Variants in GALNT13 observed in about 807,000 individuals in gnomAD.
GALNT13 encodes the protein UDP-GalNAc:polypeptide N-acetylgalactosaminyltransferase 13.
A neutral mutation model predicts 64.2 loss-of-function variants in GALNT13; 28 were observed. The ratio of observed to expected loss-of-function variants is 0.44; its 90% CI spans 0.32 to 0.60. The LOEUF is 0.60. GALNT13 is among the 20% of genes least tolerant of loss of function. GALNT13 has a pLI of 0.05. For missense variants in GALNT13, 577 were observed against 669.8 expected (o/e 0.86, Z 1.53); for synonymous variants, 214 against 224.6 (o/e 0.95, Z 0.42).
chr2:154,322,910 G>A lies in GALNT13; in HGVS notation c.1156+21321G>A, dbSNP rs114423747. On this transcript the variant is annotated intron_variant, in intron 9 of 12. Coordinates refer to ENST00000392825, the MANE Select transcript of GALNT13 (RefSeq NM_052917.4). Reference sequence around the variant, plus strand: ...TACATGTCTGGCATTTTGATGTGACGGCTGGAAGACTTGGCTGACCTAGAA... The same window carrying A: ...TACATGTCTGGCATTTTGATGTGACAGCTGGAAGACTTGGCTGACCTAGAA... Among the ~76,000 whole-genome samples the A allele has an allele frequency of 7.8e-3, 1,181 of 151,976 alleles. 17 individuals carry two copies. Among genetic ancestry groups the A allele is most frequent in the African/African-American group, 0.025 (1,020 of 41,464 alleles).
chr2:153,764,051 A>T, the GALNT13 span, among the ~76,000 whole-genome samples: 1 of 152,200 alleles, frequency 6.6e-6, no homozygotes, highest in Non-Finnish European at 1.5e-5. Context: ...AGTGATATGG[A>T]CAATGAAGTC....
the GALNT13 span, among the ~76,000 whole-genome samples, chr2:153,607,681 CTA>C: frequency 6.6e-6 from 1 of 151,936 alleles, no homozygotes; most frequent in Non-Finnish European, 1.5e-5. Context: ...TAAATTGAAT[CTA>C]TGTGTTTACT....
the GALNT13 span, among the ~76,000 whole-genome samples, chr2:153,170,206 C>T: frequency 6.6e-6 from 1 of 151,996 alleles, no homozygotes. Flanking sequence ...CAAAATAAAC[C>T]TAATACGTTC....
the GALNT13 span, among the ~76,000 whole-genome samples, chr2:153,603,898 AAAG>A: frequency 3.9e-5 from 6 of 152,002 alleles, no homozygotes; most frequent in Non-Finnish European, 8.8e-5. Flanking sequence ...GGAAAATTCA[AAAG>A]AAGTTCTTAT....
intron 3 of GALNT13, among the ~76,000 whole-genome samples, chr2:154,115,853 C>T (rs957768233): frequency 6.6e-6 from 1 of 152,174 alleles, no homozygotes; most frequent in Admixed American, 6.5e-5. Context: ...CCTTAATATT[C>T]ATTCCCATGC....
At chr2:154,197,403 T>C (rs926468639) in intron 4 of GALNT13, among the ~76,000 whole-genome samples, 1 of 152,120 alleles carries the variant, frequency 6.6e-6, no homozygotes, top group Non-Finnish European at 1.5e-5. Flanking sequence ...CCACGCATTG[T>C]ATTCCAGGTG....
chr2:154,081,757 C>T (rs1009479682), intron 3 of GALNT13, among the ~76,000 whole-genome samples: 4 of 151,648 alleles, frequency 2.6e-5, no homozygotes, highest in Non-Finnish European at 5.9e-5. Flanking sequence ...GTCAAATGAC[C>T]GTTGATTAAT....
intron 9 of GALNT13, among the ~76,000 whole-genome samples, chr2:154,352,607 A>C (rs549539488): frequency 6.6e-6 from 1 of 152,312 alleles, no homozygotes; most frequent in South Asian, 2.1e-4. Context: ...GTTGTATACA[A>C]TGAGCTTGAA....
At position 153,899,871 on chromosome 2, in the gene GALNT13, G is replaced by T. The variant is rs546853885; in HGVS notation, c.-176-1065G>T. Among the ~76,000 whole-genome samples, 18 of 149,474 alleles carry T rather than the reference G, an allele frequency of 1.2e-4. 1 individual carries two copies. The South Asian group carries it at 3.8e-3, about 31-fold the overall frequency. ...TATTTATATTGTTCATAGTCTGTCT[G>T]ATCTGTCTGAAAGAACACACTGTAT... On this transcript the variant is annotated intron_variant, in intron 1 of 12. Coordinates refer to ENST00000392825, the MANE Select transcript of GALNT13 (RefSeq NM_052917.4).
the GALNT13 span, among the ~76,000 whole-genome samples, chr2:153,152,980 C>T: frequency 2.0e-5 from 3 of 152,306 alleles, no homozygotes; most frequent in South Asian, 6.2e-4. Context: ...TGAGGAATCA[C>T]CACACTGCCT....
At chr2:153,237,844 A>G in the GALNT13 span, among the ~76,000 whole-genome samples, 1 of 152,106 alleles carries the variant, frequency 6.6e-6, no homozygotes, top group Non-Finnish European at 1.5e-5. Flanking sequence ...TTGGGTATAT[A>G]TACCTAGCAT....
intron 12 of GALNT13, among the ~76,000 whole-genome samples, chr2:154,443,276 G>C (rs1475975654): frequency 1.3e-5 from 2 of 152,028 alleles, no homozygotes; most frequent in Non-Finnish European, 2.9e-5. Context: ...GTTCCTATAT[G>C]TTAAATGATT....
intron 3 of GALNT13, among the ~76,000 whole-genome samples, chr2:154,058,509 G>A (rs566904478): frequency 6.6e-6 from 1 of 152,326 alleles, no homozygotes; most frequent in South Asian, 2.1e-4. Flanking sequence ...GGAATAGGAA[G>A]TGGTGTGATG....
At chr2:154,288,441 A>C (rs566732407) in intron 8 of GALNT13, among the ~76,000 whole-genome samples, 1 of 151,974 alleles carries the variant, frequency 6.6e-6, no homozygotes, top group Non-Finnish European at 1.5e-5. Context: ...CAGTCCCCCA[A>C]AGTCTTAACT....
intron 4 of GALNT13, among the ~76,000 whole-genome samples, chr2:154,183,683 G>A (rs1455155495): frequency 6.6e-6 from 1 of 151,958 alleles, no homozygotes; most frequent in Non-Finnish European, 1.5e-5. Flanking sequence ...CTGCACTCCA[G>A]CCTCGGCAAC....
chr2:153,712,991 A>C, the GALNT13 span, among the ~76,000 whole-genome samples: 64 of 152,312 alleles, frequency 4.2e-4, no homozygotes, highest in African/African-American at 1.3e-3. Flanking sequence ...CAACCAAGTA[A>C]GCAATCTGTG....
chr2:153,156,664 A>G, the GALNT13 span, among the ~76,000 whole-genome samples: 4 of 152,184 alleles, frequency 2.6e-5, no homozygotes, highest in African/African-American at 7.2e-5. Flanking sequence ...ACCTAGCATC[A>G]TTGTGCAATT....
At chr2:153,436,122 G>T in the GALNT13 span, among the ~76,000 whole-genome samples, 1 of 152,136 alleles carries the variant, frequency 6.6e-6, no homozygotes, top group Non-Finnish European at 1.5e-5. Flanking sequence ...TTATATGCTG[G>T]ATTATGTTTA....
the GALNT13 span, among the ~76,000 whole-genome samples, chr2:153,291,291 TTTTATC>T: frequency 6.6e-6 from 1 of 152,276 alleles, no homozygotes; most frequent in East Asian, 1.9e-4. Flanking sequence ...TTTTAGCAAT[TTTTATC>T]TTTATTAGTA....
Sources: gnomAD v4.1 joint callset for allele counts (sites outside exome capture counted in the v4.1 genomes callset) on GRCh38, gnomAD v4.1.1 for gene constraint, MANE v1.5 for transcripts, NCBI Gene and HGNC (gene_info 2026-07-23, HGNC 2026-07-21) for gene names.